YES1: variants seen among roughly 807,000 people sequenced by gnomAD.
YES1 encodes the protein YES proto-oncogene 1, Src family tyrosine kinase.
In YES1, 39 loss-of-function variants were observed where a neutral mutation model predicts 70.4. That is an observed-to-expected ratio of 0.55 (90% CI 0.43 to 0.72). YES1 has a LOEUF of 0.72. YES1 is among the 30% of genes least tolerant of loss of function. The pLI, the probability that YES1 is intolerant of heterozygous loss-of-function variation, is 0.00. For missense variants in YES1, 495 were observed against 644.8 expected (o/e 0.77, Z 2.52); for synonymous variants, 198 against 218.6 (o/e 0.91, Z 0.83).
Position 747,908 on chromosome 18 carries a change from G to C in YES1, c.470+12C>G. 3 of 1,608,584 alleles carry C rather than the reference G, an allele frequency of 1.9e-6. No individual in the cohort carries two copies. The highest frequency in any genetic ancestry group is 2.5e-6 in the Non-Finnish European group (3 of 1,177,006). On this transcript the variant is annotated intron_variant, in intron 4 of 11. Transcript: ENST00000314574. ...ATCAAAATAATTAATAAAATATGAA[G>C]TAGTGCCATACTCTTCTGCCTGAAT...
intron 9 of YES1, 57 bp downstream of exon 9, chr18:739,678 T>C: frequency 7.5e-7 from 1 of 1,328,282 alleles, no homozygotes; most frequent in Non-Finnish European, 1.1e-6. Context: ...GGTAAGATTA[T>C]TCCACATTTT....
intron 1 of YES1, among the ~76,000 whole-genome samples, chr18:762,437 C>A (rs1339812198): frequency 6.6e-6 from 1 of 152,140 alleles, no homozygotes; most frequent in African/African-American, 2.4e-5. Context: ...AACCCCACAA[C>A]ACACAATTTA....
At chr18:740,651 T>C (rs1235361406) in intron 8 of YES1, among the ~76,000 whole-genome samples, 2 of 152,132 alleles carry the variant, frequency 1.3e-5, no homozygotes, top group African/African-American at 4.8e-5. Flanking sequence ...GGACAGATTA[T>C]AAAGGGACAA....
At chr18:782,108 C>G (rs937211251) in intron 1 of YES1, among the ~76,000 whole-genome samples, 1 of 152,146 alleles carries the variant, frequency 6.6e-6, no homozygotes, top group Admixed American at 6.6e-5. Context: ...GTCCCTCTCT[C>G]CACCCCACTC....
At chr18:786,540 G>A (rs914097289) in intron 1 of YES1, among the ~76,000 whole-genome samples, 22 of 111,338 alleles carry the variant, frequency 2.0e-4, no homozygotes, top group African/African-American at 6.9e-4. Flanking sequence ...CACACACAGA[G>A]TTGCTCCTCA....
chr18:749,954 TAAGCCG>T (rs2080325115), intron 3 of YES1, among the ~76,000 whole-genome samples: 1 of 151,966 alleles, frequency 6.6e-6, no homozygotes, highest in Non-Finnish European at 1.5e-5. Context: ...TTATAACACA[TAAGCCG>T]TCATTTTTTC....
At chr18:808,302 C>T (rs893417953) in intron 1 of YES1, among the ~76,000 whole-genome samples, 7 of 152,178 alleles carry the variant, frequency 4.6e-5, no homozygotes, top group African/African-American at 1.7e-4. Context: ...TTTGCTAAAT[C>T]TGCCTCTGAG....
At chr18:748,061 C>T (rs759257414) in intron 3 of YES1, 43 bp from the exon 4 acceptor site, 28 of 1,548,596 alleles carry the variant, frequency 1.8e-5, no homozygotes, top group Non-Finnish European at 2.2e-5. Flanking sequence ...TAGACTATTG[C>T]CCAAGGTACA....
chr18:747,297 C>T (rs750948220), intron 4 of YES1, among the ~76,000 whole-genome samples: 1 of 152,096 alleles, frequency 6.6e-6, no homozygotes, highest in Non-Finnish European at 1.5e-5. Context: ...GGCGAAACCC[C>T]GTCTCTACTA....
At chr18:788,075 T>C (rs1035489690) in intron 1 of YES1, 1 of 152,212 alleles carries the variant, frequency 6.6e-6, no homozygotes, top group African/African-American at 2.4e-5. Flanking sequence ...ATTCTGACTC[T>C]TCACATCCAT....
intron 1 of YES1, among the ~76,000 whole-genome samples, chr18:779,451 T>G (rs1905547320): frequency 6.6e-6 from 1 of 152,082 alleles, no homozygotes; most frequent in Non-Finnish European, 1.5e-5. Flanking sequence ...TAATTTTTTT[T>G]GTTATAGATT....
At chr18:733,016 T>C (rs544272110) in intron 10 of YES1, 51 bp from the exon 11 acceptor site, 16 of 1,589,346 alleles carry the variant, frequency 1.0e-5, no homozygotes, top group Non-Finnish European at 1.3e-5. Context: ...AATCTATTTG[T>C]GTAAACATAG....
intron 1 of YES1, among the ~76,000 whole-genome samples, chr18:787,677 T>C (rs1906034384): frequency 6.6e-6 from 1 of 152,000 alleles, no homozygotes; most frequent in South Asian, 2.1e-4. Flanking sequence ...GCCACTGCAC[T>C]TCAGCCTGGG....
chr18:743,391 T>C lies in YES1; in HGVS notation c.749A>G (p.Lys250Arg). 6.2e-7 allele frequency: 1 copy of C among 1,612,848 alleles called. No homozygotes were observed. Among genetic ancestry groups the C allele is most frequent in the South Asian group, 1.1e-5 (1 of 91,010 alleles). Residue 250 changes from lysine (K) to arginine (R), a missense_variant, in exon 7 of 12, where the codon AAG becomes AGG. Physicochemically the swap from Lys to Arg is conservative, Grantham distance 26 (BLOSUM62 2). Coordinates refer to ENST00000314574, the MANE Select transcript of YES1 (RefSeq NM_005433.4). ...CACAGTTGGACACACAGTTGTCAAC[T>C]TGTGGCATAAACCATCAGCATGTTC... ...YTEHADGLCH[K>R]LTTVCPTVKP... is the part of the protein sequence containing the mutation.
intron 4 of YES1, 60 bp from the exon 5 acceptor site, chr18:746,111 A>G (rs886731511): frequency 7.9e-7 from 1 of 1,264,598 alleles, no homozygotes; most frequent in African/African-American, 1.5e-5. Context: ...ATTATACAGA[A>G]GTGTCAGTAA....
At chr18:789,092 T>C (rs1034641728) in intron 1 of YES1, among the ~76,000 whole-genome samples, 3 of 152,230 alleles carry the variant, frequency 2.0e-5, no homozygotes, top group African/African-American at 7.2e-5. Flanking sequence ...CATGCTTTAG[T>C]TGCTTCTGAT....
intron 11 of YES1, among the ~76,000 whole-genome samples, chr18:727,172 T>C (rs534836033): frequency 2.6e-5 from 4 of 152,346 alleles, no homozygotes; most frequent in East Asian, 3.9e-4. Context: ...TGTAGTTACA[T>C]AGCTCATTTT....
chr18:756,482 C>T, intron 2 of YES1, 75 bp downstream of exon 2: 2 of 1,529,774 alleles, frequency 1.3e-6, no homozygotes, highest in Non-Finnish European at 1.8e-6. Flanking sequence ...TTCTTAAAGG[C>T]AGACAAGCCT....
chr18:761,394 GGAA>G (rs1393894789), intron 1 of YES1, among the ~76,000 whole-genome samples: 1 of 152,108 alleles, frequency 6.6e-6, no homozygotes, highest in African/African-American at 2.4e-5. Context: ...GTATGAAGGA[GGAA>G]AAATTATGGG....
Sources: allele counts gnomAD v4.1 joint callset (sites outside exome capture counted in the v4.1 genomes callset), GRCh38; gene constraint gnomAD v4.1.1; transcripts MANE v1.5; gene names NCBI Gene and HGNC (gene_info 2026-07-23, HGNC 2026-07-21).